The following SLC22A23 variants were observed in gnomAD, a reference collection of about 807,000 sequenced individuals.
SLC22A23 encodes solute carrier family 22 member 23.
Under a neutral mutation model 61.0 loss-of-function variants are expected in SLC22A23, and 26 were observed. The observed-to-expected ratio is 0.43, with a 90% CI of 0.31 to 0.59. The LOEUF is 0.59. Among genes scored for constraint, SLC22A23 ranks in the 20% least tolerant of loss-of-function variants. The probability of loss-of-function intolerance (pLI) is 0.11; values close to 1 mark genes in which losing one functional copy is unlikely to be tolerated. For missense variants in SLC22A23, 796 were observed against 934.7 expected (o/e 0.85, Z 1.94); for synonymous variants, 430 against 413.9 (o/e 1.04, Z -0.47).
chr6:3,367,422 G>C (rs1387833440), intron 3 of SLC22A23, among the ~76,000 whole-genome samples: 3 of 152,236 alleles, frequency 2.0e-5, no homozygotes, highest in Non-Finnish European at 2.9e-5. Context: ...GCGTTAGCAA[G>C]CTGGCTGTGA....
At chr6:3,423,914 A>G (rs1770310036) in intron 1 of SLC22A23, among the ~76,000 whole-genome samples, 1 of 151,968 alleles carries the variant, frequency 6.6e-6, no homozygotes, top group South Asian at 2.1e-4. Context: ...TGAAATGAGA[A>G]GACTGTAACG....
At chr6:3,275,587 T>C (rs1311309832) in intron 9 of SLC22A23, among the ~76,000 whole-genome samples, 2 of 152,184 alleles carry the variant, frequency 1.3e-5, no homozygotes, top group African/African-American at 4.8e-5. Context: ...GTAACTAGAA[T>C]ATATAAAGAA....
In SLC22A23 at chr6:3,348,616, G is replaced by A. The variant is rs557140715; in HGVS notation, c.914-24614C>T. Among the ~76,000 whole-genome samples, 205 of 152,238 alleles carry A rather than the reference G, an allele frequency of 1.3e-3. 1 individual carries two copies. The highest frequency in any genetic ancestry group is 1.1e-3 in the Non-Finnish European group (74 of 68,016). On this transcript the variant is annotated intron_variant, in intron 3 of 9. Coordinates refer to ENST00000406686, the MANE Select transcript of SLC22A23 (RefSeq NM_015482.2). ...TCACACGAGCATCCACCACATTCCC[G>A]GCACGGAGCTGGGTGTGGTGCCCTT...
intron 1 of SLC22A23, among the ~76,000 whole-genome samples, chr6:3,425,501 G>T (rs1271866160): frequency 6.6e-6 from 1 of 151,954 alleles, no homozygotes; most frequent in African/African-American, 2.4e-5. Context: ...AGCCAGGATG[G>T]TCTCAATCTC....
intron 1 of SLC22A23, among the ~76,000 whole-genome samples, chr6:3,424,691 C>G (rs1770367912): frequency 6.6e-6 from 1 of 152,348 alleles, no homozygotes. Context: ...CTGTAGCCCA[C>G]AGGCCAAACA....
intron 6 of SLC22A23, among the ~76,000 whole-genome samples, chr6:3,289,358 G>A (rs1330260691): frequency 6.6e-6 from 1 of 152,264 alleles, no homozygotes; most frequent in Non-Finnish European, 1.5e-5. Context: ...GGCCAGGCTG[G>A]CTGCAGGTTC....
intron 1 of SLC22A23, among the ~76,000 whole-genome samples, chr6:3,436,336 A>G (rs1771210482): frequency 6.6e-6 from 1 of 152,016 alleles, no homozygotes; most frequent in African/African-American, 2.4e-5. Flanking sequence ...GTGTTTCACT[A>G]TGTTGGTCAG....
At chr6:3,305,966 G>A (rs985804833) in intron 4 of SLC22A23, among the ~76,000 whole-genome samples, 6 of 152,294 alleles carry the variant, frequency 3.9e-5, no homozygotes, top group African/African-American at 1.4e-4. Flanking sequence ...AAGGAACACT[G>A]GAGGCTCTGG....
intron 3 of SLC22A23, among the ~76,000 whole-genome samples, chr6:3,344,688 G>A (rs1027940405): frequency 6.6e-6 from 1 of 152,244 alleles, no homozygotes; most frequent in Non-Finnish European, 1.5e-5. Flanking sequence ...AGCGTGTCTT[G>A]AAAGAACCAA....
intron 3 of SLC22A23, among the ~76,000 whole-genome samples, chr6:3,392,652 T>G (rs2127488771): frequency 6.6e-6 from 1 of 152,270 alleles, no homozygotes; most frequent in South Asian, 2.1e-4. Context: ...GAGGAAGAAC[T>G]GAGAGGATTT....
rs1464795935 is a variant in SLC22A23 at position 3,456,128 on chromosome 6, G to A, written c.432C>T (p.Gly144=). 6.4e-7 allele frequency: 1 copy of A among 1,551,116 alleles called. No homozygotes were observed. The highest frequency in any genetic ancestry group is 1.2e-5 in the South Asian group (1 of 84,048). The change falls in exon 1 of 10, where the codon GGC becomes GGT. Residue 144 remains glycine (G), a synonymous_variant. Coordinates refer to ENST00000406686, the MANE Select transcript of SLC22A23 (RefSeq NM_015482.2). This position sits in a 1 kb window ranked among gnomAD's most constrained non-coding sequence, Gnocchi z 7.1. ...TCCAGTTGCCCATGTCCCCGCCCCG[G>A]CCTGTGGTGGTGACCCCTGCCAGCT... ...GTELAGVTTT[G]RGGDMGNWTS...
chr6:3,332,100 C>T (rs1055479023), intron 3 of SLC22A23, among the ~76,000 whole-genome samples: 1 of 152,190 alleles, frequency 6.6e-6, no homozygotes, highest in Admixed American at 6.5e-5. Flanking sequence ...AGATTTGAAA[C>T]CTCCGAGGCA....
In SLC22A23 at chr6:3,273,109, G is replaced by A. The variant is rs747846332; in HGVS notation, c.2007C>T (p.Ala669=). ...KDYSGLHDAA[A]AGDTLPEGAT... ...CACCCTCGGGCAGTGTGTCACCCGC[G>A]GCTGCGGCATCGTGGAGGCCCGAGT... Residue 669 remains alanine (A), a synonymous_variant, in exon 10 of 10, where the codon GCC becomes GCT. Transcript: ENST00000406686. 5.0e-6 allele frequency: 8 copies of A among 1,599,788 alleles called. No individual in the cohort carries two copies. In the Admixed American group the frequency reaches 6.7e-5, roughly 13 times the overall value.
intron 5 of SLC22A23, chr6:3,290,137 G>A: frequency 1.9e-6 from 1 of 515,966 alleles, no homozygotes. Flanking sequence ...ACAAACCCTT[G>A]TTTTGGAACC....
chr6:3,298,589 G>A (rs1413891884), intron 4 of SLC22A23, among the ~76,000 whole-genome samples: 1 of 152,148 alleles, frequency 6.6e-6, no homozygotes, highest in East Asian at 1.9e-4. Context: ...TTATAGCTAG[G>A]TAGGAGGAAC....
intron 3 of SLC22A23, among the ~76,000 whole-genome samples, chr6:3,400,838 C>T (rs879620539): frequency 6.6e-6 from 1 of 152,232 alleles, no homozygotes; most frequent in African/African-American, 2.4e-5. Flanking sequence ...GCATCTCTAA[C>T]TCAACTCAAT....
At position 3,281,895 on chromosome 6, in the gene SLC22A23, C is replaced by G. The variant is rs115421065; in HGVS notation, c.1703+1957G>C. ...CATCACCAAGGGTCACATATTTTTT[C>G]CAGTTTGTCATCTTGGCAAGCTGAA... On this transcript the variant is annotated intron_variant, in intron 9 of 9. Coordinates refer to ENST00000406686, the MANE Select transcript of SLC22A23 (RefSeq NM_015482.2). 6.2e-3 allele frequency among the ~76,000 whole-genome samples: 938 copies of G among 152,244 alleles called. 9 individuals carry two copies. Among genetic ancestry groups the G allele is most frequent in the African/African-American group, 0.022 (902 of 41,558 alleles).
intron 9 of SLC22A23, among the ~76,000 whole-genome samples, chr6:3,278,467 ATCTT>A (rs1759116297): frequency 1.3e-5 from 2 of 152,242 alleles, no homozygotes; most frequent in African/African-American, 4.8e-5. Context: ...GACACTCTGC[ATCTT>A]TCTGTCACTA....
intron 4 of SLC22A23, among the ~76,000 whole-genome samples, chr6:3,298,885 T>TG (rs1761353602): frequency 2.1e-5 from 3 of 146,318 alleles, no homozygotes; most frequent in African/African-American, 7.8e-5. Flanking sequence ...GGCAGGAGAA[T>TG]GGTGTGAACC....
Sources: allele counts gnomAD v4.1 joint callset (sites outside exome capture counted in the v4.1 genomes callset), GRCh38; gene constraint gnomAD v4.1.1; non-coding constraint Gnocchi (gnomAD v3.1); transcripts MANE v1.5; gene names NCBI Gene and HGNC (gene_info 2026-07-23, HGNC 2026-07-21).